Variants in MICU1 observed in about 807,000 individuals in gnomAD.
The protein encoded by MICU1 is calcium uptake protein 1, mitochondrial.
A neutral mutation model predicts 56.8 loss-of-function variants in MICU1; 45 were observed. The observed-to-expected ratio is 0.79, with a 90% CI of 0.62 to 1.02. The LOEUF is 1.02. MICU1 is among the 50% of genes least tolerant of loss of function. MICU1 has a pLI of 0.00. For synonymous variants in MICU1, 186 were observed against 195.1 expected, an observed-to-expected ratio of 0.95 and a Z score of 0.39; for missense variants, 504 against 587.1, an observed-to-expected ratio of 0.86 and a Z score of 1.46.
Position 72,423,313 on chromosome 10 carries a change from A to T in MICU1, c.992T>A (p.Leu331Gln). The change falls in exon 9 of 12, where the codon CTA becomes CAA. Residue 331 changes from leucine (L) to glutamine (Q), a missense_variant. Coordinates refer to ENST00000361114, the MANE Select transcript of MICU1 (RefSeq NM_001195518.2). ...GGACTGCACCCCACTGTAGGCAAGTAGCATGCCACCAAACTGCCTCTCAGT... is the reference window on the plus strand; with the variant it reads ...GGACTGCACCCCACTGTAGGCAAGTTGCATGCCACCAAACTGCCTCTCAGT... ...RITERQFGGM[L>Q]LAYSGVQSKK... The T allele has an allele frequency of 3.7e-6, 6 of 1,614,002 alleles. No individual in the cohort carries two copies. Among genetic ancestry groups the T allele is most frequent in the Non-Finnish European group, 5.1e-6 (6 of 1,179,874 alleles).
chr10:72,413,572 A>C (rs1206478108), intron 9 of MICU1, among the ~76,000 whole-genome samples: 3 of 152,118 alleles, frequency 2.0e-5, no homozygotes, highest in Non-Finnish European at 2.9e-5. Context: ...ATCTTTACTA[A>C]AAGTACAAAA....
chr10:72,493,454 T>G (rs1466287762), intron 6 of MICU1, among the ~76,000 whole-genome samples: 2 of 152,186 alleles, frequency 1.3e-5, no homozygotes, highest in African/African-American at 4.8e-5. Flanking sequence ...TATTTTACTT[T>G]ATTTTATTAT....
chr10:72,479,253 T>C (rs1866215617), intron 6 of MICU1, among the ~76,000 whole-genome samples: 1 of 152,216 alleles, frequency 6.6e-6, no homozygotes, highest in African/African-American at 2.4e-5. Context: ...GCCTACAAAC[T>C]TTCCTTATGT....
chr10:72,495,655 C>CA (rs758909513), intron 6 of MICU1, among the ~76,000 whole-genome samples: 1,187 of 85,196 alleles, frequency 0.014, 25 homozygotes, highest in African/African-American at 0.033. Flanking sequence ...ACCTCTGTCT[C>CA]AAAAAAAAAA....
chr10:72,518,151 G>C (rs1372470739), intron 5 of MICU1, among the ~76,000 whole-genome samples: 1 of 151,636 alleles, frequency 6.6e-6, no homozygotes, highest in Non-Finnish European at 1.5e-5. Context: ...TCCTGCCTCA[G>C]CCTCCTGAGT....
At chr10:72,434,448 C>T (rs1198194366) in intron 8 of MICU1, among the ~76,000 whole-genome samples, 1 of 151,960 alleles carries the variant, frequency 6.6e-6, no homozygotes, top group Non-Finnish European at 1.5e-5. Flanking sequence ...AAATTTCATG[C>T]CATTTTTCCT....
rs757179155 is a variant in MICU1 at position 72,626,068 on chromosome 10, T to C, written c.-60A>G. On this transcript the variant is annotated 5_prime_UTR_variant, in exon 1 of 12. The change abolishes an upstream ATG in the 5' untranslated region. Coordinates refer to ENST00000361114, the MANE Select transcript of MICU1 (RefSeq NM_001195518.2). ...CAAAGCCGCCCACCTCTGACAGCCA[T>C]AGAGATGAAACAGCGGAGACAAACC... is the stretch of plus-strand genomic sequence containing the variant. 4 of 152,816 alleles carry C rather than the reference T, an allele frequency of 2.6e-5. No individual in the cohort carries two copies. Among genetic ancestry groups the C allele is most frequent in the African/African-American group, 4.8e-5 (2 of 41,356 alleles). The allele number at this position is 152,816 out of a possible 1,614,324, so 9.5% of individuals were successfully genotyped here.
At chr10:72,373,183 T>TC in intron 11 of MICU1, among the ~76,000 whole-genome samples, 1 of 150,290 alleles carries the variant, frequency 6.7e-6, no homozygotes, top group African/African-American at 2.4e-5. Flanking sequence ...TTTGTTCATT[T>TC]TTTTTTTTTT....
chr10:72,488,606 G>T (rs1241724284), intron 6 of MICU1, among the ~76,000 whole-genome samples: 4 of 152,106 alleles, frequency 2.6e-5, no homozygotes, highest in Non-Finnish European at 5.9e-5. Flanking sequence ...GCAATAACAG[G>T]TTCAGTTATA....
chr10:72,579,028 G>A (rs1030196383), intron 1 of MICU1, among the ~76,000 whole-genome samples: 1 of 152,072 alleles, frequency 6.6e-6, no homozygotes, highest in African/African-American at 2.4e-5. Context: ...TTAGCTTTAT[G>A]GCAGTGGTCT....
intron 5 of MICU1, among the ~76,000 whole-genome samples, chr10:72,525,902 T>G (rs894741206): frequency 6.6e-6 from 1 of 152,178 alleles, no homozygotes; most frequent in Admixed American, 6.5e-5. Flanking sequence ...AAGTCCACAC[T>G]CTTCATCCCA....
intron 4 of MICU1, among the ~76,000 whole-genome samples, chr10:72,539,811 A>AT (rs1286461280): frequency 6.6e-6 from 1 of 152,170 alleles, no homozygotes; most frequent in Non-Finnish European, 1.5e-5. Flanking sequence ...TTTAAATCTG[A>AT]TAATACCAAG....
chr10:72,504,323 T>G (rs1867173758), intron 6 of MICU1, among the ~76,000 whole-genome samples: 1 of 152,060 alleles, frequency 6.6e-6, no homozygotes, highest in Admixed American at 6.6e-5. Flanking sequence ...AATAAAGCTG[T>G]ACACTTACAA....
chr10:72,571,852 A>C (rs1424703716), intron 1 of MICU1, among the ~76,000 whole-genome samples: 1 of 152,130 alleles, frequency 6.6e-6, no homozygotes, highest in African/African-American at 2.4e-5. Flanking sequence ...CCAGGAGTTT[A>C]AGTCCAACAT....
intron 11 of MICU1, among the ~76,000 whole-genome samples, chr10:72,372,923 AAAAAAAG>A (rs1483120508): frequency 1.1e-4 from 17 of 151,806 alleles, no homozygotes; most frequent in African/African-American, 3.9e-4. Context: ...CAAAAAAAAA[AAAAAAAG>A]AAAAAAGAAA....
chr10:72,608,440 A>G (rs781679647), intron 1 of MICU1, among the ~76,000 whole-genome samples: 2 of 152,238 alleles, frequency 1.3e-5, no homozygotes, highest in Non-Finnish European at 2.9e-5. Context: ...AAGGACTTGA[A>G]TAGACATTTC....
chr10:72,383,737 C>T (rs1260040813), intron 10 of MICU1, among the ~76,000 whole-genome samples: 1 of 152,076 alleles, frequency 6.6e-6, no homozygotes, highest in Admixed American at 6.6e-5. Flanking sequence ...CTGAGAGTAA[C>T]TGATATATTT....
chr10:72,459,290 C>T (rs946195352), intron 8 of MICU1, among the ~76,000 whole-genome samples: 1 of 152,134 alleles, frequency 6.6e-6, no homozygotes, highest in African/African-American at 2.4e-5. Flanking sequence ...GAGATCACAC[C>T]ACTGCACTCC....
chr10:72,468,282 A>T (rs952702044), intron 8 of MICU1, among the ~76,000 whole-genome samples: 2 of 140,370 alleles, frequency 1.4e-5, no homozygotes, highest in Non-Finnish European at 3.1e-5. Flanking sequence ...TTCTTCTACA[A>T]ATTAGTTTTT....
Sources: gnomAD v4.1 joint callset for allele counts (sites outside exome capture counted in the v4.1 genomes callset) on GRCh38, gnomAD v4.1.1 for gene constraint, MANE v1.5 for transcripts, NCBI Gene and HGNC (gene_info 2026-07-23, HGNC 2026-07-21) for gene names.